Variants in MECOM observed in about 807,000 individuals in gnomAD.
MECOM encodes histone-lysine N-methyltransferase MECOM.
In MECOM, 13 loss-of-function variants were observed where a neutral mutation model predicts 116.3. The observed-to-expected ratio is 0.11, with a 90% CI of 0.07 to 0.18. The LOEUF (loss-of-function observed/expected upper bound fraction) is 0.18, where lower values mean the gene tolerates loss of function less well. Ranked by LOEUF, MECOM falls within the 10% of genes least tolerant of loss-of-function variation. MECOM has a pLI of 1.00. For synonymous variants in MECOM, 528 were observed against 535.2 expected (o/e 0.99, Z 0.19); for missense variants, 1,299 against 1,509.0 (o/e 0.86, Z 2.31).
At chr3:169,287,760 G>GC (rs1169640187) in intron 2 of MECOM, among the ~76,000 whole-genome samples, 3 of 152,116 alleles carry the variant, frequency 2.0e-5, no homozygotes, top group Admixed American at 1.3e-4. Context: ...TTTGGTTTAT[G>GC]CAGGAAGAGC....
chr3:169,510,719 G>C (rs139571858), intron 1 of MECOM, among the ~76,000 whole-genome samples: 3 of 152,164 alleles, frequency 2.0e-5, no homozygotes, highest in African/African-American at 7.2e-5. Flanking sequence ...GGGCTGATCC[G>C]AGAGATAGCT....
intron 1 of MECOM, among the ~76,000 whole-genome samples, chr3:169,445,433 T>G (rs1744456367): frequency 6.6e-6 from 1 of 152,190 alleles, no homozygotes; most frequent in African/African-American, 2.4e-5. Flanking sequence ...CAAGTGGCAT[T>G]GAGCCTGTGA....
At chr3:169,096,648 C>CT (rs1335613383) in intron 12 of MECOM, among the ~76,000 whole-genome samples, 1 of 152,094 alleles carries the variant, frequency 6.6e-6, no homozygotes, top group East Asian at 1.9e-4. Context: ...GTGAAGGGCC[C>CT]TTCTCCTCCC....
At chr3:169,099,972 T>C (rs1667967109) in intron 12 of MECOM, among the ~76,000 whole-genome samples, 1 of 152,110 alleles carries the variant, frequency 6.6e-6, no homozygotes, top group Non-Finnish European at 1.5e-5. Flanking sequence ...AGGAAATTAT[T>C]GATAAAATTG....
intron 1 of MECOM, among the ~76,000 whole-genome samples, chr3:169,438,293 A>G (rs1743044251): frequency 6.6e-6 from 1 of 152,134 alleles, no homozygotes; most frequent in Non-Finnish European, 1.5e-5. Flanking sequence ...AATCATAAGT[A>G]TTCAAGTTTC....
intron 1 of MECOM, among the ~76,000 whole-genome samples, chr3:169,463,068 G>C (rs188706154): frequency 2.0e-4 from 31 of 152,274 alleles, no homozygotes; most frequent in Admixed American, 5.9e-4. Context: ...CAAATGCTCA[G>C]TTCAAGATAT....
chr3:169,121,309 G>A (rs901780625), intron 6 of MECOM, 100 bp from the exon 7 acceptor site: 8 of 1,288,152 alleles, frequency 6.2e-6, no homozygotes, highest in Non-Finnish European at 8.3e-6. Context: ...TATTTGTTTT[G>A]TTTTTCTTTT....
At chr3:169,298,183 G>A (rs764101774) in intron 2 of MECOM, among the ~76,000 whole-genome samples, 1 of 152,070 alleles carries the variant, frequency 6.6e-6, no homozygotes, top group Non-Finnish European at 1.5e-5. Flanking sequence ...TTTACGGAGT[G>A]GATTAGCTTT....
At chr3:169,470,410 G>A (rs951536522) in intron 1 of MECOM, among the ~76,000 whole-genome samples, 2 of 152,156 alleles carry the variant, frequency 1.3e-5, no homozygotes, top group Non-Finnish European at 2.9e-5. Flanking sequence ...CTTGATGACA[G>A]CAAAACCACA....
At chr3:169,207,401 T>G (rs1750081774) in intron 2 of MECOM, among the ~76,000 whole-genome samples, 1 of 152,206 alleles carries the variant, frequency 6.6e-6, no homozygotes, top group South Asian at 2.1e-4. Flanking sequence ...TAAGCTATAA[T>G]TAATATCTGG....
At chr3:169,142,172 T>C (rs529972340) in intron 3 of MECOM, among the ~76,000 whole-genome samples, 1 of 151,986 alleles carries the variant, frequency 6.6e-6, no homozygotes, top group South Asian at 2.1e-4. Flanking sequence ...CACACATAAA[T>C]ATTAAATGAA....
Position 169,507,650 on chromosome 3 carries a change from C to CTTTTTTTTTTTTTTTTTTTTTTTT in MECOM, c.38-126150_38-126127dup, listed in dbSNP as rs1165167849. 3.5e-4 allele frequency among the ~76,000 whole-genome samples: 20 copies of CTTTTTTTTTTTTTTTTTTTTTTTT among 57,146 alleles called. 5 individuals are homozygous for CTTTTTTTTTTTTTTTTTTTTTTTT. Among genetic ancestry groups the CTTTTTTTTTTTTTTTTTTTTTTTT allele is most frequent in the African/African-American group, 9.0e-4 (11 of 12,236 alleles). 37.5% of individuals were successfully genotyped at this position (57,146 alleles called of 152,430 possible). A position where few individuals can be genotyped will look rare whatever the true frequency, so the allele number is the denominator to read the frequency against. On this transcript the variant is annotated intron_variant, in intron 1 of 16. Coordinates refer to ENST00000651503, the MANE Select transcript of MECOM (RefSeq NM_004991.4). ...CAATTTTGGTTTAAATCCCCACTTG[C>CTTTTTTTTTTTTTTTTTTTTTTTT]TTTTTTTTTTTTTTTTTTTTTTTTT...
rs140679060 is a variant in MECOM, at chr3:169,140,329, T to C, written c.510+3369A>G. ...AGAGAAACTTTAAGGGAAAAATAAT[T>C]AGAATGTTAAGGATAAAGAGACTTG... On this transcript the variant is annotated intron_variant, in intron 3 of 16. Transcript: ENST00000651503. Among the ~76,000 whole-genome samples the C allele has an allele frequency of 1.1e-3, 166 of 152,168 alleles. 2 individuals carry two copies. The highest frequency in any genetic ancestry group is 3.8e-3 in the African/African-American group (157 of 41,518).
At chr3:169,617,207 C>G (rs1299804107) in intron 1 of MECOM, among the ~76,000 whole-genome samples, 1 of 152,096 alleles carries the variant, frequency 6.6e-6, no homozygotes, top group Non-Finnish European at 1.5e-5. Flanking sequence ...TAAAAGACCC[C>G]TAACAGAGGT....
intron 11 of MECOM, among the ~76,000 whole-genome samples, chr3:169,101,301 T>C (rs1456030604): frequency 6.6e-6 from 1 of 152,200 alleles, no homozygotes; most frequent in Non-Finnish European, 1.5e-5. Flanking sequence ...AAAAATATGA[T>C]AAGAGTTTCT....
intron 1 of MECOM, among the ~76,000 whole-genome samples, chr3:169,602,471 A>G (rs754572079): frequency 7.2e-5 from 11 of 152,100 alleles, no homozygotes; most frequent in Admixed American, 2.0e-4. Flanking sequence ...CAACCTCAGC[A>G]CTATTGGCAT....
intron 1 of MECOM, among the ~76,000 whole-genome samples, chr3:169,659,591 C>A (rs1224348066): frequency 6.6e-6 from 1 of 151,866 alleles, no homozygotes; most frequent in Non-Finnish European, 1.5e-5. Context: ...CTAGAAGGGG[C>A]CTCGGCCTCC....
At chr3:169,180,250 G>A (rs146036310) in intron 2 of MECOM, among the ~76,000 whole-genome samples, 2 of 152,160 alleles carry the variant, frequency 1.3e-5, no homozygotes, top group East Asian at 1.9e-4. Context: ...GCTTGCCAAG[G>A]TAGTTCACAT....
chr3:169,351,700 T>A (rs1726370706), intron 2 of MECOM, among the ~76,000 whole-genome samples: 1 of 151,856 alleles, frequency 6.6e-6, no homozygotes, highest in Admixed American at 6.6e-5. Context: ...TCTTTGACCA[T>A]CCCCAGAACC....
Sources: allele counts gnomAD v4.1 joint callset (sites outside exome capture counted in the v4.1 genomes callset), GRCh38; gene constraint gnomAD v4.1.1; transcripts MANE v1.5; gene names NCBI Gene and HGNC (gene_info 2026-07-23, HGNC 2026-07-21).